FBRS: variants seen among roughly 807,000 people sequenced by gnomAD.
FBRS encodes fibrosin.
FBRS carries 15 observed loss-of-function variants against 86.1 expected under a neutral mutation model. That is an observed-to-expected ratio of 0.17 (90% confidence interval 0.12 to 0.27). The LOEUF (loss-of-function observed/expected upper bound fraction) is 0.27. FBRS is among the 10% of genes least tolerant of loss of function. The pLI, the probability that FBRS is intolerant of heterozygous loss-of-function variation, is 1.00. For missense variants in FBRS, 1,367 were observed against 1,301.6 expected (o/e 1.05, Z -0.77); for synonymous variants, 666 against 575.8 (o/e 1.16, Z -2.24).
intron 11 of FBRS, 92 bp from the exon 12 acceptor site, chr16:30,666,420 T>C (rs761930815): frequency 1.5e-5 from 23 of 1,516,944 alleles, no homozygotes; most frequent in Admixed American, 3.3e-5. Context: ...GTCTCAGGCA[T>C]GTTGGGGGTG....
In FBRS at chr16:30,669,544, A is replaced by G. The variant is rs1435807865; in HGVS notation, c.2842A>G (p.Thr948Ala). 1.2e-6 allele frequency: 2 copies of G among 1,612,120 alleles called. No individual in the cohort carries two copies. The highest frequency in any genetic ancestry group is 1.7e-6 in the Non-Finnish European group (2 of 1,179,622). ...GGGAACCCCTCACCTTCTCAGCAAG[A>G]CCCCACCGGGAGCCCTTTTGGGGGC... ...APGTPHLLSK[T>A]PPGALLGAPP... The change falls in exon 18 of 18, where the codon ACC (threonine) becomes GCC (alanine). Residue 948 changes from threonine (T) to alanine (A), a missense_variant. This residue lies in a region of FBRS where 659 missense variants were observed against 678.8 expected (regional missense o/e 0.97). Transcript: ENST00000356166. The surrounding 1 kb of genome is among the most constrained non-coding windows in gnomAD (Gnocchi z 5.9).
At position 30,664,765 on chromosome 16, in the gene FBRS, G is replaced by T; in HGVS notation, c.1408G>T (p.Gly470Cys). ...DLNSRYLNAQGGPEVVGAGGS... is the reference protein window; with the variant it reads ...DLNSRYLNAQCGPEVVGAGGS... Reference sequence around the variant, plus strand: ...GAACTCTCGCTACCTGAATGCCCAGGGTGGCCCTGAGGTGGTGGGGGCAGG... The same window carrying T: ...GAACTCTCGCTACCTGAATGCCCAGTGTGGCCCTGAGGTGGTGGGGGCAGG... The change falls in exon 8 of 18, where the codon GGT becomes TGT. Residue 470 changes from glycine (G) to cysteine (C), a missense_variant. Coordinates refer to ENST00000356166, the MANE Select transcript of FBRS (RefSeq NM_001105079.3). The T allele has an allele frequency of 6.4e-7, 1 of 1,552,034 alleles. No homozygotes were observed. Among genetic ancestry groups the T allele is most frequent in the Middle Eastern group, 1.7e-4 (1 of 5,992 alleles).
rs761662036 is a variant in FBRS, at chr16:30,665,314, G to C, written c.1617G>C (p.Thr539=). 6.4e-7 allele frequency: 1 copy of C among 1,562,302 alleles called. No homozygotes were observed. The highest frequency in any genetic ancestry group is 8.7e-7 in the Non-Finnish European group (1 of 1,154,110). The part of the protein sequence containing the change: ...MEGLFRHNPY[T]AFPPAVPGLP... ...CCCCCTTCTCTCCACAGCCGTACAC[G>C]GCCTTCCCTCCCGCAGTGCCCGGGC... The change falls in exon 10 of 18, where the codon ACG becomes ACC. Residue 539 remains threonine, a synonymous_variant. Coordinates refer to ENST00000356166, the MANE Select transcript of FBRS (RefSeq NM_001105079.3). This position sits in a 1 kb window ranked among gnomAD's most constrained non-coding sequence, Gnocchi z 4.1.
Position 30,660,286 on chromosome 16 carries a change from A to C in FBRS, c.483A>C (p.Pro161=). 7.6e-7 allele frequency: 1 copy of C among 1,308,234 alleles called. No individual in the cohort carries two copies. The highest frequency in any genetic ancestry group is 9.8e-7 in the Non-Finnish European group (1 of 1,020,822). The allele number at this position is 1,308,234 out of a possible 1,614,324, so 81.0% of individuals were successfully genotyped here. A position where few individuals can be genotyped will look rare whatever the true frequency, so the allele number is the denominator to read the frequency against. The change falls in exon 2 of 18, where the codon CCA becomes CCC. Residue 161 remains proline (P), a synonymous_variant. Coordinates refer to ENST00000356166, the MANE Select transcript of FBRS (RefSeq NM_001105079.3). ...ALQKDASLQP[P]ERLEHRLKHS... ...AGAAGGATGCATCTCTTCAGCCCCC[A>C]GAGCGACTGGAACATCGGCTGAAGC...
At chr16:30,662,133 T>C (rs1476132854) in intron 4 of FBRS, 2 of 408,678 alleles carry the variant, frequency 4.9e-6, no homozygotes, top group East Asian at 4.5e-5. Context: ...GGCCAGCAGC[T>C]AGTGACCTCT....
rs1472617972 is a variant in FBRS, at chr16:30,659,237, CA to C, written c.-280del. On this transcript the variant is annotated 5_prime_UTR_variant, in exon 1 of 18. Coordinates refer to ENST00000356166, the MANE Select transcript of FBRS (RefSeq NM_001105079.3). ...CGTCTTAAAGGGGCCGGGAGCTGGA[CA>C]ACTTGGGGCCTCGCCTTAAAGGGAC... 6.2e-6 allele frequency: 1 copy of C among 161,182 alleles called. No homozygotes were observed. The highest frequency in any genetic ancestry group is 1.3e-5 in the Non-Finnish European group (1 of 74,154). 10.0% of individuals were successfully genotyped at this position (161,182 alleles called of 1,614,324 possible).
chr16:30,664,302 T>G lies in FBRS; in HGVS notation c.1143T>G (p.Ser381=). 1 of 1,514,770 alleles carries G rather than the reference T, an allele frequency of 6.6e-7. No individual in the cohort carries two copies. The highest frequency in any genetic ancestry group is 8.9e-7 in the Non-Finnish European group (1 of 1,125,054). The allele number at this position is 1,514,770 out of a possible 1,614,324, so 93.8% of individuals were successfully genotyped here. A position where few individuals can be genotyped will look rare whatever the true frequency, so the allele number is the denominator to read the frequency against. ...SSSSSSSSSS[S]ASSSSAQLTH... ...CCTCTTCGTCCTCCTCCTCCTCATC[T>G]GCCTCCTCCTCGTCCGCGCAGCTCA... Residue 381 remains serine, a synonymous_variant, in exon 7 of 18, where the codon TCT becomes TCG. Coordinates refer to ENST00000356166, the MANE Select transcript of FBRS (RefSeq NM_001105079.3).
chr16:30,660,567 C>A, intron 2 of FBRS, 125 bp downstream of exon 2: 3 of 1,252,494 alleles, frequency 2.4e-6, no homozygotes, highest in Non-Finnish European at 3.0e-6. Context: ...GCAAGCAGGG[C>A]AAATTTGAGC....
rs374579270 is a variant in FBRS, at chr16:30,666,482, C to T, written c.1774-30C>T. On this transcript the variant is annotated intron_variant, in intron 11 of 17. Transcript: ENST00000356166. ...CCTGGCCCAGGACTCGGGTCTGAGT[C>T]GCCTCCCATCTCTCCTTTGCCATCC... is the stretch of plus-strand genomic sequence containing the variant. The T allele has an allele frequency of 1.2e-5, 19 of 1,613,846 alleles. No individual in the cohort carries two copies. The South Asian group carries it at 1.4e-4, about 12-fold the overall frequency.
In FBRS at chr16:30,658,907, C is replaced by T. The variant is rs901364343; in HGVS notation, c.-612C>T. 1 of 152,194 alleles carries T rather than the reference C, an allele frequency of 6.6e-6. No individual in the cohort carries two copies. Among genetic ancestry groups the T allele is most frequent in the African/African-American group, 2.4e-5 (1 of 41,428 alleles). The allele number at this position is 152,194 out of a possible 1,614,324, so 9.4% of individuals were successfully genotyped here. On this transcript the variant is annotated 5_prime_UTR_variant, in exon 1 of 18. Transcript: ENST00000356166. ...GGGCGAGTGGGGTTTTTCTTTACGT[C>T]CTCCTCCCCCACACACAAGAAGTCT...
Position 30,669,311 on chromosome 16 carries a change from C to A in FBRS, c.2609C>A (p.Pro870His), listed in dbSNP as rs749735520. The A allele has an allele frequency of 6.2e-7, 1 of 1,606,334 alleles. No individual in the cohort carries two copies. Among genetic ancestry groups the A allele is most frequent in the Non-Finnish European group, 8.5e-7 (1 of 1,176,984 alleles). ...CCCCGGCCGCCCCCGTTTCTGGGCCCTAGCCCACCAGATCGCTGTGCTGGC... is the reference window on the plus strand; with the variant it reads ...CCCCGGCCGCCCCCGTTTCTGGGCCATAGCCCACCAGATCGCTGTGCTGGC... Reference protein sequence around the residue: ...ERPRPPPFLGPSPPDRCAGFL... With the variant: ...ERPRPPPFLGHSPPDRCAGFL... Residue 870 changes from proline (P) to histidine (H), a missense_variant, in exon 18 of 18, where the codon CCT becomes CAT. By Grantham distance (77) the Pro-to-His change is moderately conservative (BLOSUM62 -2). Coordinates refer to ENST00000356166, the MANE Select transcript of FBRS (RefSeq NM_001105079.3). The surrounding 1 kb of genome is among the most constrained non-coding windows in gnomAD (Gnocchi z 5.9).
chr16:30,665,907 A>G lies in FBRS; in HGVS notation c.1773+201A>G. On this transcript the variant is annotated intron_variant, in intron 11 of 17. Transcript: ENST00000356166. This position sits in a 1 kb window ranked among gnomAD's most constrained non-coding sequence, Gnocchi z 4.1. ...GAGAGTTTCATGAGCTTGTCCCAGA[A>G]ATAGGATGATTAGGACAATGGTTTT... 3.5e-6 allele frequency: 2 copies of G among 564,368 alleles called. No individual in the cohort carries two copies. The highest frequency in any genetic ancestry group is 4.6e-5 in the South Asian group (2 of 43,478). 35.0% of individuals were successfully genotyped at this position (564,368 alleles called of 1,614,324 possible).
chr16:30,670,181 C>T lies in FBRS; in HGVS notation c.*536C>T, dbSNP rs1354716119. On this transcript the variant is annotated 3_prime_UTR_variant, in exon 18 of 18. Transcript: ENST00000356166. ...AGTTCCCTTCCTGGTTAATTAAACC[C>T]TCAGACTGGTGCTGTGTTCCTAGCC... 8.7e-6 allele frequency: 4 copies of T among 458,350 alleles called. No homozygotes were observed. Among genetic ancestry groups the T allele is most frequent in the East Asian group, 6.9e-5 (1 of 14,412 alleles). The allele number at this position is 458,350 out of a possible 1,614,324, so 28.4% of individuals were successfully genotyped here. A position where few individuals can be genotyped will look rare whatever the true frequency, so the allele number is the denominator to read the frequency against.
intron 1 of FBRS, 94 bp from the exon 2 acceptor site, chr16:30,660,169 C>T (rs1244564740): frequency 1.4e-6 from 2 of 1,408,518 alleles, no homozygotes; most frequent in South Asian, 1.6e-5. Context: ...CCCGGTTTCC[C>T]GGCCCGAGGG....
rs775983237 is a variant in FBRS, at chr16:30,669,657, G to A, written c.*12G>A. 30 of 1,579,964 alleles carry A rather than the reference G, an allele frequency of 1.9e-5. No homozygotes were observed. Among genetic ancestry groups the A allele is most frequent in the Middle Eastern group, 1.7e-4 (1 of 5,940 alleles). On this transcript the variant is annotated 3_prime_UTR_variant, in exon 18 of 18. Transcript: ENST00000356166. The surrounding 1 kb of genome is among the most constrained non-coding windows in gnomAD (Gnocchi z 5.9). Reference sequence around the variant, plus strand: ...GGGCTGACAGGTGAGGGGAACGGGGGGGGGTCGGGGCAAAGCTCCATCTCC... The same window carrying A: ...GGGCTGACAGGTGAGGGGAACGGGGAGGGGTCGGGGCAAAGCTCCATCTCC...
Position 30,665,290 on chromosome 16 carries a change from C to G in FBRS, c.1609-16C>G. 3.2e-6 allele frequency: 5 copies of G among 1,556,308 alleles called. No individual in the cohort carries two copies. The highest frequency in any genetic ancestry group is 4.3e-6 in the Non-Finnish European group (5 of 1,150,186). ...GCCTCCACCCCCACCTGTACTAGTC[C>G]CCCTTCTCTCCACAGCCGTACACGG... On this transcript the variant is annotated splice_polypyrimidine_tract_variant and intron_variant, in intron 9 of 17. Coordinates refer to ENST00000356166, the MANE Select transcript of FBRS (RefSeq NM_001105079.3). This position sits in a 1 kb window ranked among gnomAD's most constrained non-coding sequence, Gnocchi z 4.1.
chr16:30,669,707 C>A lies in FBRS; in HGVS notation c.*62C>A. The A allele has an allele frequency of 6.7e-7, 1 of 1,500,018 alleles. No homozygotes were observed. The highest frequency in any genetic ancestry group is 2.4e-5 in the Admixed American group (1 of 42,452). The allele number at this position is 1,500,018 out of a possible 1,614,324, so 92.9% of individuals were successfully genotyped here. On this transcript the variant is annotated 3_prime_UTR_variant, in exon 18 of 18. Coordinates refer to ENST00000356166, the MANE Select transcript of FBRS (RefSeq NM_001105079.3). This position sits in a 1 kb window ranked among gnomAD's most constrained non-coding sequence, Gnocchi z 5.9. ...CCCTTCCTTTAACCAGGTCCTAGGG[C>A]TGAGGTTTTAAGCCAGGGCTGGAGG...
Position 30,669,895 on chromosome 16 carries a change from T to A in FBRS, c.*250T>A. 1.6e-6 allele frequency: 1 copy of A among 611,336 alleles called. No individual in the cohort carries two copies. 37.9% of individuals were successfully genotyped at this position (611,336 alleles called of 1,614,324 possible). A position where few individuals can be genotyped will look rare whatever the true frequency, so the allele number is the denominator to read the frequency against. Reference sequence around the variant, plus strand: ...AGGGGCGTGTGCATGGGAGTGTGGCTCATCTCGGGGGCCATGGGGCCTCCT... The same window carrying A: ...AGGGGCGTGTGCATGGGAGTGTGGCACATCTCGGGGGCCATGGGGCCTCCT... On this transcript the variant is annotated 3_prime_UTR_variant, in exon 18 of 18. Coordinates refer to ENST00000356166, the MANE Select transcript of FBRS (RefSeq NM_001105079.3). The surrounding 1 kb of genome is among the most constrained non-coding windows in gnomAD (Gnocchi z 5.9).
In FBRS at chr16:30,659,944, C is replaced by T. The variant is rs1216452786; in HGVS notation, c.426C>T (p.Ala142=). The T allele has an allele frequency of 4.5e-6, 7 of 1,550,938 alleles. No homozygotes were observed. The highest frequency in any genetic ancestry group is 5.2e-6 in the Non-Finnish European group (6 of 1,147,478). The change falls in exon 1 of 18, where the codon GCC becomes GCT. Residue 142 remains alanine, a synonymous_variant. Coordinates refer to ENST00000356166, the MANE Select transcript of FBRS (RefSeq NM_001105079.3). ...AGGAGGACTTGATCGATGGCTTCGC[C>T]ATCGCCAGCTTCGCCACCCTCGAGG... ...EEEEDLIDGF[A]IASFATLEAL...
Sources: allele counts gnomAD v4.1 joint callset, GRCh38; gene constraint gnomAD v4.1.1; regional missense constraint gnomAD v4.1.1; non-coding constraint Gnocchi (gnomAD v3.1); transcripts MANE v1.5; gene names NCBI Gene and HGNC (gene_info 2026-07-23, HGNC 2026-07-21).